Variants in C8orf76 observed in about 807,000 individuals in gnomAD.
C8orf76 encodes the protein chromosome 8 open reading frame 76, also known as uncharacterized protein C8orf76.
In C8orf76, 46 loss-of-function variants were observed where a neutral mutation model predicts 38.1. The observed-to-expected ratio is 1.21, with a 90% CI of 0.95 to 1.54. The LOEUF is 1.54. C8orf76 is among the 40% of genes most tolerant of loss of function. The pLI is 0.00. For missense variants in C8orf76, 461 were observed against 441.6 expected (o/e 1.04, Z -0.39); for synonymous variants, 166 against 167.5 (o/e 0.99, Z 0.07).
intron 3 of C8orf76, among the ~76,000 whole-genome samples, chr8:123,233,935 G>C (rs1825369841): frequency 6.6e-6 from 1 of 151,776 alleles, no homozygotes; most frequent in Non-Finnish European, 1.5e-5. Flanking sequence ...GGTTGAGGCA[G>C]GAGAATGGCA....
intron 3 of C8orf76, among the ~76,000 whole-genome samples, chr8:123,235,530 C>T (rs1825435153): frequency 6.6e-6 from 1 of 152,168 alleles, no homozygotes; most frequent in Non-Finnish European, 1.5e-5. Flanking sequence ...CACGCAAGGT[C>T]CGCTGAGATC....
chr8:123,226,254 C>T, intron 5 of C8orf76: 1 of 1,348,294 alleles, frequency 7.4e-7, no homozygotes, highest in South Asian at 1.9e-5. Context: ...TGATGATGTT[C>T]AGGCAGGCAG....
rs770625354 is a variant in C8orf76, at chr8:123,237,873, A to C, written c.282T>G (p.Asp94Glu). The C allele has an allele frequency of 1.2e-5, 19 of 1,614,144 alleles. No individual in the cohort carries two copies. In the South Asian group the frequency reaches 1.9e-4, roughly 16 times the overall value. ...LSSTNFAMKR[D>E]VQEGQARCLA... Reference sequence around the variant, plus strand: ...GACACCGAGCCTGACCTTCCTGGACATCCCTTTTCATGGCAAAATTGGTTG... The same window carrying C: ...GACACCGAGCCTGACCTTCCTGGACCTCCCTTTTCATGGCAAAATTGGTTG... Residue 94 changes from aspartate (D) to glutamate (E), a missense_variant, in exon 3 of 6, where the codon GAT (aspartate) becomes GAG (glutamate). Transcript: ENST00000276704.
chr8:123,236,248 C>T (rs1825472327), intron 3 of C8orf76, among the ~76,000 whole-genome samples: 1 of 152,138 alleles, frequency 6.6e-6, no homozygotes, highest in Non-Finnish European at 1.5e-5. Context: ...CTGATCTGAT[C>T]GCTGGGCGGT....
At chr8:123,229,051 C>T (rs1825146299) in intron 4 of C8orf76, among the ~76,000 whole-genome samples, 1 of 152,262 alleles carries the variant, frequency 6.6e-6, no homozygotes, top group Admixed American at 6.5e-5. Context: ...TCCTCTGCCA[C>T]CCTGGCACTG....
At chr8:123,222,912 C>G (rs1824928106) in intron 5 of C8orf76, among the ~76,000 whole-genome samples, 1 of 152,128 alleles carries the variant, frequency 6.6e-6, no homozygotes, top group African/African-American at 2.4e-5. Flanking sequence ...ATAAATTGAA[C>G]TAACCTTTCT....
rs569785089 is a variant in C8orf76, at chr8:123,240,301, G to A, written c.117+929C>T. Among the ~76,000 whole-genome samples the A allele has an allele frequency of 2.0e-5, 3 of 152,200 alleles. No individual in the cohort carries two copies. In the East Asian group the frequency reaches 5.8e-4, roughly 29 times the overall value. On this transcript the variant is annotated intron_variant, in intron 1 of 5. Transcript: ENST00000276704. ...TGAGTCTACATGATCCAGGGCTGAAGGTAACTTTGAAAGATCGTATGTGAT... is the reference window on the plus strand; with the variant it reads ...TGAGTCTACATGATCCAGGGCTGAAAGTAACTTTGAAAGATCGTATGTGAT...
rs1161590101 is a variant in C8orf76 at position 123,231,314 on chromosome 8, A to C, written c.801T>G (p.Ser267=). Residue 267 remains serine (S), a synonymous_variant, in exon 4 of 6, where the codon TCT becomes TCG. Transcript: ENST00000276704. ...TCTCAGCTTACCTGGTTCGTATAAA[A>C]GAGGCACATGCTTTCAGCTGAGTCT... ...LIETQLKACA[S]FIRTRLLLQF... is the part of the protein sequence containing the mutation. 1 of 1,609,514 alleles carries C rather than the reference A, an allele frequency of 6.2e-7. No homozygotes were observed. The highest frequency in any genetic ancestry group is 1.7e-5 in the Admixed American group (1 of 59,236).
At chr8:123,238,089 G>C (rs1248037499) in intron 2 of C8orf76, 148 bp from the exon 3 acceptor site, 1 of 1,074,900 alleles carries the variant, frequency 9.3e-7, no homozygotes, top group African/African-American at 1.6e-5. Flanking sequence ...AATTAAAGAA[G>C]ATTTCACTAT....
At chr8:123,238,014 G>T in intron 2 of C8orf76, 73 bp from the exon 3 acceptor site, 1 of 1,503,812 alleles carries the variant, frequency 6.6e-7, no homozygotes, top group South Asian at 1.4e-5. Flanking sequence ...GAATAGGGGT[G>T]ATTTTTTTTC....
chr8:123,233,296 G>A (rs1825344085), intron 3 of C8orf76, among the ~76,000 whole-genome samples: 1 of 151,978 alleles, frequency 6.6e-6, no homozygotes, highest in Admixed American at 6.6e-5. Context: ...TGGGCTTACA[G>A]GCATGAACCA....
chr8:123,231,558 G>T lies in C8orf76; in HGVS notation c.557C>A (p.Ala186Glu). 1 of 1,614,196 alleles carries T rather than the reference G, an allele frequency of 6.2e-7. No individual in the cohort carries two copies. The highest frequency in any genetic ancestry group is 8.5e-7 in the Non-Finnish European group (1 of 1,180,042). Residue 186 changes from alanine (A) to glutamate (E), a missense_variant, in exon 4 of 6, where the codon GCG becomes GAG. Transcript: ENST00000276704. Reference protein sequence around the residue: ...NLGPALSAALASSQKQHSFTS... With the variant: ...NLGPALSAALESSQKQHSFTS... ...GAAACTGTGCTGTTTCTGAGATGACGCAAGTGCTGCTGAAAGAGCTGGCCC... is the reference window on the plus strand; with the variant it reads ...GAAACTGTGCTGTTTCTGAGATGACTCAAGTGCTGCTGAAAGAGCTGGCCC...
intron 3 of C8orf76, among the ~76,000 whole-genome samples, chr8:123,234,078 C>T (rs999621393): frequency 1.7e-4 from 26 of 151,868 alleles, no homozygotes; most frequent in African/African-American, 6.3e-4. Flanking sequence ...TTCCAGAATA[C>T]TGCAACTCTT....
intron 1 of C8orf76, among the ~76,000 whole-genome samples, chr8:123,240,707 G>A (rs897168329): frequency 6.6e-6 from 1 of 152,226 alleles, no homozygotes; most frequent in Non-Finnish European, 1.5e-5. Context: ...GGGGGCCAAA[G>A]ACAAAAATAT....
At chr8:123,223,386 T>C (rs1374230655) in intron 5 of C8orf76, among the ~76,000 whole-genome samples, 1 of 152,212 alleles carries the variant, frequency 6.6e-6, no homozygotes, top group Admixed American at 6.5e-5. Flanking sequence ...GGCAGGCAGA[T>C]CACTTGAGAT....
At position 123,231,616 on chromosome 8, in the gene C8orf76, A is replaced by G. The variant is rs1481220630; in HGVS notation, c.499T>C (p.Trp167Arg). ...AGGTAAGCCTCTGCCAATTTGCCCC[A>G]GTTCCAAGGATTAAAAGGATGCAAA... ...ISLHPFNPWNWGKLAEAYLNL... is the reference protein window; with the variant it reads ...ISLHPFNPWNRGKLAEAYLNL... Residue 167 changes from tryptophan to arginine, a missense_variant, in exon 4 of 6, where the codon TGG (tryptophan) becomes CGG (arginine). Physicochemically the swap from Trp to Arg is moderately radical, Grantham distance 101. Coordinates refer to ENST00000276704, the MANE Select transcript of C8orf76 (RefSeq NM_032847.3). The G allele has an allele frequency of 6.2e-7, 1 of 1,614,234 alleles. No homozygotes were observed. The highest frequency in any genetic ancestry group is 8.5e-7 in the Non-Finnish European group (1 of 1,180,038).
Position 123,226,572 on chromosome 8 carries a change from C to A in C8orf76, c.876G>T (p.Arg292Ser). Residue 292 changes from arginine (R) to serine (S), a missense_variant, in exon 5 of 6, where the codon AGG becomes AGT. Transcript: ENST00000276704. Reference protein sequence around the residue: ...QTSFALERNLRTQQEIEDKMK... With the variant: ...QTSFALERNLSTQQEIEDKMK... ...TTTTATCTTCAATTTCCTGCTGAGT[C>A]CTTAAGTTCCTCTCCAAAGCAAACG... 6.2e-7 allele frequency: 1 copy of A among 1,612,960 alleles called. No homozygotes were observed.
intron 1 of C8orf76, chr8:123,239,842 A>C (rs1825622501): frequency 6.6e-6 from 1 of 151,946 alleles, no homozygotes; most frequent in African/African-American, 2.4e-5. Context: ...AAAATACAAA[A>C]TTAGGCCGGC....
intron 3 of C8orf76, chr8:123,236,910 G>A: frequency 8.2e-7 from 1 of 1,225,232 alleles, no homozygotes; most frequent in Non-Finnish European, 1.2e-6. Context: ...ATCGAGCCCA[G>A]CAACGCCAAA....
Sources: gnomAD v4.1 joint callset for allele counts (sites outside exome capture counted in the v4.1 genomes callset) on GRCh38, gnomAD v4.1.1 for gene constraint, MANE v1.5 for transcripts, NCBI Gene and HGNC (gene_info 2026-07-23, HGNC 2026-07-21) for gene names.